CDH18: variants seen among roughly 807,000 people sequenced by gnomAD.
CDH18 encodes the protein cadherin 18, also known as cadherin-18.
A neutral mutation model predicts 67.9 loss-of-function variants in CDH18; 31 were observed. The observed-to-expected ratio is 0.46, with a 90% CI of 0.34 to 0.62. CDH18 has a LOEUF of 0.62. Ranked by LOEUF, CDH18 falls within the 20% of genes least tolerant of loss-of-function variation. CDH18 has a pLI of 0.01. For synonymous variants in CDH18, 362 were observed against 347.2 expected (o/e 1.04, Z -0.48); for missense variants, 890 against 975.5 (o/e 0.91, Z 1.17).
intron 11 of CDH18, among the ~76,000 whole-genome samples, chr5:19,501,899 A>G (rs994425611): frequency 1.3e-5 from 2 of 152,206 alleles, no homozygotes; most frequent in African/African-American, 2.4e-5. Flanking sequence ...ATGTAAGTAA[A>G]TGTACAATAG....
chr5:20,078,631 C>G (rs556950206), intron 2 of CDH18, among the ~76,000 whole-genome samples: 17 of 151,952 alleles, frequency 1.1e-4, no homozygotes, highest in Non-Finnish European at 1.8e-4. Context: ...GACAGAGTCT[C>G]ACCCTGTCAC....
intron 1 of CDH18, among the ~76,000 whole-genome samples, chr5:20,343,403 C>T (rs1332162628): frequency 1.3e-5 from 2 of 152,094 alleles, no homozygotes; most frequent in East Asian, 1.9e-4. Flanking sequence ...AGTTTACAGA[C>T]ACAGAATCCC....
At chr5:20,293,407 A>G (rs16899252) in intron 1 of CDH18, among the ~76,000 whole-genome samples, 48,469 of 152,020 alleles carry the variant, frequency 0.32, 8,081 homozygotes, top group South Asian at 0.39. Flanking sequence ...AAAATGTCAT[A>G]AGGAAGGTAT....
chr5:20,565,756 T>TAAATAAAAAA (rs1758468650), intron 1 of CDH18, among the ~76,000 whole-genome samples: 1 of 142,446 alleles, frequency 7.0e-6, no homozygotes. Flanking sequence ...TACGTTATGA[T>TAAATAAAAAA]AAAAAAAAAA....
chr5:20,048,716 T>C, intron 2 of CDH18, among the ~76,000 whole-genome samples: 1 of 151,660 alleles, frequency 6.6e-6, no homozygotes, highest in East Asian at 1.9e-4. Flanking sequence ...TTCCAGTCCC[T>C]ATTCTTGGTC....
Position 19,543,729 on chromosome 5 carries a change from A to G in CDH18, c.1390+140T>C, listed in dbSNP as rs766188640. On this transcript the variant is annotated intron_variant, in intron 9 of 12. Coordinates refer to ENST00000382275, the MANE Select transcript of CDH18 (RefSeq NM_004934.5). Reference sequence around the variant, plus strand: ...TATTCATGCTATCTGATAATGAGAAATTATATCTAATACACTCCGCTTACT... The same window carrying G: ...TATTCATGCTATCTGATAATGAGAAGTTATATCTAATACACTCCGCTTACT... 4 of 487,134 alleles carry G rather than the reference A, an allele frequency of 8.2e-6. No individual in the cohort carries two copies. In the Admixed American group the frequency reaches 1.0e-4, roughly 12 times the overall value. The allele number at this position is 487,134 out of a possible 1,614,324, so 30.2% of individuals were successfully genotyped here.
chr5:20,447,346 CT>C (rs1750079179), intron 1 of CDH18, among the ~76,000 whole-genome samples: 1 of 151,590 alleles, frequency 6.6e-6, no homozygotes, highest in South Asian at 2.1e-4. Flanking sequence ...GCCATGAGGA[CT>C]TCTCCCTCAT....
In CDH18 at chr5:19,501,090, G is replaced by A. The variant is rs537050441; in HGVS notation, c.1630+1902C>T. Reference sequence around the variant, plus strand: ...GGAGGTTGCAGTGAGCAGAGATCACGCCATTACAATTCAGCCTGGGCAACA... The same window carrying A: ...GGAGGTTGCAGTGAGCAGAGATCACACCATTACAATTCAGCCTGGGCAACA... On this transcript the variant is annotated intron_variant, in intron 11 of 12. Transcript: ENST00000382275. Among the ~76,000 whole-genome samples, 6 of 151,308 alleles carry A rather than the reference G, an allele frequency of 4.0e-5. No individual in the cohort carries two copies. The South Asian group carries it at 8.3e-4, about 21-fold the overall frequency.
At chr5:19,742,036 G>C (rs536663127) in intron 4 of CDH18, among the ~76,000 whole-genome samples, 3 of 152,034 alleles carry the variant, frequency 2.0e-5, no homozygotes, top group South Asian at 4.1e-4. Flanking sequence ...AGATCAAAAA[G>C]ATACATGCAA....
intron 5 of CDH18, among the ~76,000 whole-genome samples, chr5:19,660,741 A>G (rs1453377991): frequency 1.3e-5 from 2 of 152,068 alleles, no homozygotes; most frequent in Non-Finnish European, 2.9e-5. Flanking sequence ...TGGTTTATTT[A>G]TTTTTAAAAT....
chr5:19,937,799 TAG>T (rs1003631448), intron 2 of CDH18, among the ~76,000 whole-genome samples: 1 of 150,850 alleles, frequency 6.6e-6, no homozygotes, highest in Non-Finnish European at 1.5e-5. Context: ...GTTATATATA[TAG>T]AGAGAGACAT....
chr5:20,304,590 AGAGCTTAAT>A (rs1386499783), intron 1 of CDH18: 1 of 1,611,984 alleles, frequency 6.2e-7, no homozygotes, highest in East Asian at 2.2e-5. Flanking sequence ...TCAGGGGGAC[AGAGCTTAAT>A]GAGCCCAAAA....
intron 3 of CDH18, among the ~76,000 whole-genome samples, chr5:19,778,735 C>T (rs1345718398): frequency 6.6e-6 from 1 of 152,064 alleles, no homozygotes; most frequent in East Asian, 1.9e-4. Context: ...GTGGACACCA[C>T]AAAACCATAA....
At chr5:19,723,208 G>T (rs893353137) in intron 4 of CDH18, among the ~76,000 whole-genome samples, 4 of 152,016 alleles carry the variant, frequency 2.6e-5, no homozygotes, top group Non-Finnish European at 5.9e-5. Flanking sequence ...GGTGGAGGCT[G>T]CAGTGAGCCG....
At chr5:19,863,763 G>A (rs991158029) in intron 2 of CDH18, among the ~76,000 whole-genome samples, 1 of 152,172 alleles carries the variant, frequency 6.6e-6, no homozygotes, top group African/African-American at 2.4e-5. Context: ...AAAAGAGACT[G>A]GGCAGCCACC....
At chr5:20,023,615 C>T (rs976234116) in intron 2 of CDH18, among the ~76,000 whole-genome samples, 3 of 144,760 alleles carry the variant, frequency 2.1e-5, no homozygotes, top group East Asian at 4.1e-4. Context: ...GCCGAGATCG[C>T]GCCACTGCAC....
intron 1 of CDH18, among the ~76,000 whole-genome samples, chr5:20,345,361 A>C (rs1359776263): frequency 1.3e-5 from 2 of 152,140 alleles, no homozygotes; most frequent in Admixed American, 6.6e-5. Context: ...GGAACACCCA[A>C]GGGATTATTT....
chr5:20,048,347 T>G (rs1201613764), intron 2 of CDH18, among the ~76,000 whole-genome samples: 1 of 151,640 alleles, frequency 6.6e-6, no homozygotes, highest in Non-Finnish European at 1.5e-5. Context: ...TCCTAATACA[T>G]CTAGTTTTTG....
At chr5:19,637,148 TTCTTTTTC>T (rs1272872691) in intron 5 of CDH18, among the ~76,000 whole-genome samples, 16 of 149,840 alleles carry the variant, frequency 1.1e-4, no homozygotes, top group African/African-American at 4.1e-4. Flanking sequence ...CTTTCTTTCT[TTCTTTTTC>T]TTTCTTTCTT....
Sources: allele counts gnomAD v4.1 joint callset (sites outside exome capture counted in the v4.1 genomes callset), GRCh38; gene constraint gnomAD v4.1.1; transcripts MANE v1.5; gene names NCBI Gene and HGNC (gene_info 2026-07-23, HGNC 2026-07-21).